The following SPOCK1 variants were observed in gnomAD, a reference collection of about 807,000 sequenced individuals.
The protein encoded by SPOCK1 is testican-1.
A neutral mutation model predicts 55.3 loss-of-function variants in SPOCK1; 23 were observed. That is an observed-to-expected ratio of 0.42 (90% CI 0.30 to 0.59). The LOEUF (loss-of-function observed/expected upper bound fraction) is 0.59, where lower values mean the gene tolerates loss of function less well. Among genes scored for constraint, SPOCK1 ranks in the 20% least tolerant of loss-of-function variants. The pLI, the probability that SPOCK1 is intolerant of heterozygous loss-of-function variation, is 0.22. For synonymous variants in SPOCK1, 226 were observed against 221.0 expected (o/e 1.02, Z -0.20); for missense variants, 499 against 552.5 (o/e 0.90, Z 0.97).
chr5:137,451,914 C>T (rs1410652340), intron 2 of SPOCK1, among the ~76,000 whole-genome samples: 2 of 152,160 alleles, frequency 1.3e-5, no homozygotes, highest in Non-Finnish European at 2.9e-5. Context: ...GGTTGAGTTT[C>T]CCTTATCTAA....
chr5:137,431,859 T>C (rs1475949689), intron 2 of SPOCK1, among the ~76,000 whole-genome samples: 1 of 152,218 alleles, frequency 6.6e-6, no homozygotes, highest in Non-Finnish European at 1.5e-5. Context: ...AATAAGCCTC[T>C]TTTCTTTATA....
intron 3 of SPOCK1, among the ~76,000 whole-genome samples, chr5:137,185,337 C>A (rs36044399): frequency 1.3e-5 from 2 of 152,100 alleles, no homozygotes; most frequent in African/African-American, 4.8e-5. Context: ...GCCAGAAGAA[C>A]CTGCCACCAG....
At chr5:137,276,015 T>C (rs1438345750) in intron 2 of SPOCK1, among the ~76,000 whole-genome samples, 1 of 152,206 alleles carries the variant, frequency 6.6e-6, no homozygotes, top group East Asian at 1.9e-4. Flanking sequence ...GCCTCAATAG[T>C]GACCTTCTAA....
At chr5:137,466,870 T>A (rs1753633445) in intron 2 of SPOCK1, among the ~76,000 whole-genome samples, 1 of 152,260 alleles carries the variant, frequency 6.6e-6, no homozygotes, top group Non-Finnish European at 1.5e-5. Flanking sequence ...GTCGGGAATA[T>A]GAGCACAGTT....
chr5:137,459,345 G>C (rs1753430796), intron 2 of SPOCK1, among the ~76,000 whole-genome samples: 1 of 151,936 alleles, frequency 6.6e-6, no homozygotes. Context: ...ACAAAAATAG[G>C]CAACTCCCAA....
chr5:136,985,667 A>G (rs73790636), intron 8 of SPOCK1, among the ~76,000 whole-genome samples: 2,810 of 152,194 alleles, frequency 0.018, 97 homozygotes, highest in African/African-American at 0.063. Flanking sequence ...ACCCCCAGGA[A>G]AGTAAAATAG....
chr5:137,015,430 A>C (rs1751432132), intron 6 of SPOCK1, among the ~76,000 whole-genome samples: 2 of 152,188 alleles, frequency 1.3e-5, no homozygotes, highest in African/African-American at 4.8e-5. Context: ...AGCCTGGACG[A>C]CAGAGCAAGA....
At chr5:137,274,929 G>A (rs1044867202) in intron 2 of SPOCK1, among the ~76,000 whole-genome samples, 2 of 152,184 alleles carry the variant, frequency 1.3e-5, no homozygotes, top group Non-Finnish European at 2.9e-5. Flanking sequence ...GGGCCTATTT[G>A]TGCATTGAGT....
chr5:137,293,890 G>A (rs890362325), intron 2 of SPOCK1, among the ~76,000 whole-genome samples: 49 of 152,162 alleles, frequency 3.2e-4, no homozygotes, highest in Non-Finnish European at 6.5e-4. Flanking sequence ...GGTGGCATGC[G>A]CCTGTAGTCC....
intron 9 of SPOCK1, among the ~76,000 whole-genome samples, chr5:136,980,554 AATAAGTCTCACAAG>A (rs1462812496): frequency 1.3e-5 from 2 of 152,154 alleles, no homozygotes; most frequent in Non-Finnish European, 2.9e-5. Context: ...TATGATAGTG[AATAAGTCTCACAAG>A]ATCTGATAGT....
intron 2 of SPOCK1, among the ~76,000 whole-genome samples, chr5:137,476,147 C>T (rs1426501019): frequency 6.6e-6 from 1 of 151,786 alleles, no homozygotes; most frequent in African/African-American, 2.4e-5. Flanking sequence ...AGGTATTAAG[C>T]CTAGTATCCA....
chr5:137,266,375 C>T (rs1298756934), intron 3 of SPOCK1, among the ~76,000 whole-genome samples: 2 of 152,168 alleles, frequency 1.3e-5, no homozygotes, highest in African/African-American at 4.8e-5. Flanking sequence ...ATGGCAGGTC[C>T]TCACTGTGTC....
At position 137,147,045 on chromosome 5, in the gene SPOCK1, T is replaced by G. The variant is rs1754209904; in HGVS notation, c.233-6351A>C. 2.0e-5 allele frequency among the ~76,000 whole-genome samples: 3 copies of G among 152,320 alleles called. No homozygotes were observed. In the South Asian group the frequency reaches 6.2e-4, roughly 32 times the overall value. On this transcript the variant is annotated intron_variant, in intron 3 of 10. Transcript: ENST00000394945. ...AACTGAGGTCCTGGGGACTTCTTTC[T>G]GTGTCAAAGATAAAAGCATCTTCTC...
At chr5:137,383,367 G>T (rs1475366254) in intron 2 of SPOCK1, among the ~76,000 whole-genome samples, 4 of 152,286 alleles carry the variant, frequency 2.6e-5, no homozygotes, top group Non-Finnish European at 5.9e-5. Flanking sequence ...CTGCTGGCCT[G>T]AAGAGTTGGT....
chr5:137,081,908 A>T (rs1020856090), intron 5 of SPOCK1, among the ~76,000 whole-genome samples: 2 of 152,238 alleles, frequency 1.3e-5, no homozygotes, highest in African/African-American at 4.8e-5. Flanking sequence ...CTGAGGTGTG[A>T]AAATGGTCAA....
intron 3 of SPOCK1, among the ~76,000 whole-genome samples, chr5:137,144,046 G>C (rs1270272754): frequency 6.6e-6 from 1 of 152,110 alleles, no homozygotes; most frequent in African/African-American, 2.4e-5. Flanking sequence ...TAAAAGGAGG[G>C]GGCAGCCAGA....
intron 2 of SPOCK1, among the ~76,000 whole-genome samples, chr5:137,457,900 G>C (rs891142915): frequency 5.9e-5 from 9 of 152,168 alleles, no homozygotes; most frequent in African/African-American, 1.4e-4. Context: ...GATACAAAAT[G>C]AGAAAACCCA....
intron 3 of SPOCK1, among the ~76,000 whole-genome samples, chr5:137,175,977 C>T (rs1033444279): frequency 6.6e-6 from 1 of 152,126 alleles, no homozygotes; most frequent in Non-Finnish European, 1.5e-5. Context: ...GCTTGCACTG[C>T]CCACATGTAT....
intron 3 of SPOCK1, among the ~76,000 whole-genome samples, chr5:137,189,308 G>T (rs908730602): frequency 4.6e-5 from 7 of 152,190 alleles, no homozygotes; most frequent in Non-Finnish European, 1.0e-4. Flanking sequence ...TCAATGCCTG[G>T]CTTCCAAGCT....
Sources: allele counts gnomAD v4.1 joint callset (sites outside exome capture counted in the v4.1 genomes callset), GRCh38; gene constraint gnomAD v4.1.1; transcripts MANE v1.5; gene names NCBI Gene and HGNC (gene_info 2026-07-23, HGNC 2026-07-21).